PDGFD: variants seen among roughly 807,000 people sequenced by gnomAD.
PDGFD encodes the protein platelet derived growth factor D.
In PDGFD, 30 loss-of-function variants were observed where a neutral mutation model predicts 44.7. The ratio of observed to expected loss-of-function variants is 0.67; its 90% CI spans 0.50 to 0.91. The LOEUF is 0.91. Ranked by LOEUF, PDGFD falls within the 40% of genes least tolerant of loss-of-function variation. The pLI is 0.00. For synonymous variants in PDGFD, 173 were observed against 168.4 expected (o/e 1.03, Z -0.21); for missense variants, 445 against 457.8 (o/e 0.97, Z 0.25).
At chr11:103,919,386 A>G (rs1338461285) in intron 6 of PDGFD, among the ~76,000 whole-genome samples, 1 of 152,206 alleles carries the variant, frequency 6.6e-6, no homozygotes, top group African/African-American at 2.4e-5. Context: ...ATATAAAAAA[A>G]GGCTGTTAAG....
At chr11:104,106,366 T>C (rs1337602175) in intron 1 of PDGFD, among the ~76,000 whole-genome samples, 3 of 152,082 alleles carry the variant, frequency 2.0e-5, no homozygotes, top group East Asian at 1.9e-4. Flanking sequence ...CCATAAGACA[T>C]AGTTAATTTT....
At chr11:104,052,961 CAGTAA>C (rs1216430149) in intron 1 of PDGFD, among the ~76,000 whole-genome samples, 1 of 152,138 alleles carries the variant, frequency 6.6e-6, no homozygotes, top group East Asian at 1.9e-4. Context: ...GTCCGAGACA[CAGTAA>C]AGTAGTTTTT....
chr11:104,110,603 TAA>T (rs1861540163), intron 1 of PDGFD, among the ~76,000 whole-genome samples: 1 of 151,964 alleles, frequency 6.6e-6, no homozygotes, highest in Admixed American at 6.6e-5. Flanking sequence ...GCTTAAAAAT[TAA>T]AAAGACCACA....
At chr11:104,026,520 A>C (rs1860044057) in intron 1 of PDGFD, among the ~76,000 whole-genome samples, 1 of 152,246 alleles carries the variant, frequency 6.6e-6, no homozygotes, top group Non-Finnish European at 1.5e-5. Context: ...ACCACTAAAA[A>C]AGTTTGAAGC....
At chr11:104,079,722 A>G (rs1861016681) in intron 1 of PDGFD, among the ~76,000 whole-genome samples, 1 of 152,164 alleles carries the variant, frequency 6.6e-6, no homozygotes, top group Admixed American at 6.6e-5. Flanking sequence ...AATGCCTTTT[A>G]CAAATGTTCT....
intron 1 of PDGFD, among the ~76,000 whole-genome samples, chr11:104,162,503 G>A (rs907179845): frequency 6.6e-6 from 1 of 152,114 alleles, no homozygotes; most frequent in Non-Finnish European, 1.5e-5. Context: ...AACTAAGACA[G>A]AGAGTTACCA....
intron 1 of PDGFD, among the ~76,000 whole-genome samples, chr11:104,068,581 TTA>T (rs1860826863): frequency 6.6e-6 from 1 of 152,182 alleles, no homozygotes; most frequent in Non-Finnish European, 1.5e-5. Flanking sequence ...ATCACAGCAA[TTA>T]TATAGTTTCT....
At chr11:103,925,716 C>CACACACAT (rs1198529368) in intron 6 of PDGFD, among the ~76,000 whole-genome samples, 5 of 122,778 alleles carry the variant, frequency 4.1e-5, no homozygotes, top group East Asian at 2.6e-4. Context: ...CACACACACA[C>CACACACAT]ATATATATAT....
chr11:104,092,272 T>C (rs1020028838), intron 1 of PDGFD, among the ~76,000 whole-genome samples: 1 of 152,222 alleles, frequency 6.6e-6, no homozygotes, highest in Non-Finnish European at 1.5e-5. Context: ...TTATGATTAC[T>C]GCTTACCAGG....
At chr11:104,120,917 T>C (rs1861770563) in intron 1 of PDGFD, among the ~76,000 whole-genome samples, 1 of 151,932 alleles carries the variant, frequency 6.6e-6, no homozygotes, top group African/African-American at 2.4e-5. Flanking sequence ...TTGGCTTTGT[T>C]CTCCTCCACA....
chr11:103,986,071 C>T (rs957919314), intron 3 of PDGFD, among the ~76,000 whole-genome samples: 2 of 152,182 alleles, frequency 1.3e-5, no homozygotes, highest in Non-Finnish European at 2.9e-5. Flanking sequence ...GCTCAATTTG[C>T]TCTCAGGTGA....
intron 1 of PDGFD, among the ~76,000 whole-genome samples, chr11:104,061,849 C>G (rs1290747905): frequency 6.6e-6 from 1 of 152,130 alleles, no homozygotes; most frequent in Non-Finnish European, 1.5e-5. Flanking sequence ...CTCAAGTGAT[C>G]CGCCCGCCTT....
At chr11:103,938,111 T>A (rs1858521588) in intron 5 of PDGFD, among the ~76,000 whole-genome samples, 1 of 151,852 alleles carries the variant, frequency 6.6e-6, no homozygotes, top group Non-Finnish European at 1.5e-5. Flanking sequence ...TAGTTCTAGA[T>A]CCCTGAGGAA....
At chr11:104,052,936 A>T (rs1860563980) in intron 1 of PDGFD, among the ~76,000 whole-genome samples, 1 of 152,144 alleles carries the variant, frequency 6.6e-6, no homozygotes, top group Admixed American at 6.5e-5. Flanking sequence ...CAGAATTTCT[A>T]CATTTTTATT....
intron 1 of PDGFD, among the ~76,000 whole-genome samples, chr11:104,082,712 G>T (rs991422828): frequency 3.9e-5 from 6 of 152,030 alleles, no homozygotes; most frequent in East Asian, 1.9e-4. Context: ...ACTCACTGCA[G>T]CCTTGAACTT....
intron 5 of PDGFD, among the ~76,000 whole-genome samples, chr11:103,940,726 C>A (rs757348597): frequency 1.1e-4 from 17 of 152,202 alleles, no homozygotes; most frequent in Admixed American, 7.2e-4. Flanking sequence ...TAAATCAGCA[C>A]ATTTATACAA....
At chr11:104,057,492 A>T (rs1016038852) in intron 1 of PDGFD, among the ~76,000 whole-genome samples, 6 of 49,598 alleles carry the variant, frequency 1.2e-4, no homozygotes, top group African/African-American at 7.5e-4. Context: ...CATGGACACA[A>T]AGAAGCCAAA....
intron 1 of PDGFD, among the ~76,000 whole-genome samples, chr11:104,104,980 A>G (rs1861452267): frequency 6.6e-6 from 1 of 152,164 alleles, no homozygotes; most frequent in Non-Finnish European, 1.5e-5. Flanking sequence ...GTTGCTCACC[A>G]TGTATACCAG....
chr11:103,931,567 G>A (rs1355284113), intron 5 of PDGFD, among the ~76,000 whole-genome samples: 1 of 152,100 alleles, frequency 6.6e-6, no homozygotes, highest in Non-Finnish European at 1.5e-5. Context: ...CTTGAAGACA[G>A]TCAGTAATCT....
Sources: allele counts gnomAD v4.1 joint callset (sites outside exome capture counted in the v4.1 genomes callset), GRCh38; gene constraint gnomAD v4.1.1; transcripts MANE v1.5; gene names NCBI Gene and HGNC (gene_info 2026-07-23, HGNC 2026-07-21).